Variants in DGKI observed in about 807,000 individuals in gnomAD.
The protein encoded by DGKI is DAG kinase iota.
In DGKI, 55 loss-of-function variants were observed where a neutral mutation model predicts 147.5. That is an observed-to-expected ratio of 0.37 (90% confidence interval 0.30 to 0.47). The LOEUF (loss-of-function observed/expected upper bound fraction) is 0.47, where lower values mean the gene tolerates loss of function less well. Ranked by LOEUF, DGKI falls within the 20% of genes least tolerant of loss-of-function variation. The pLI, the probability that DGKI is intolerant of heterozygous loss-of-function variation, is 1.00. For missense variants in DGKI, 1,007 were observed against 1,323.8 expected (o/e 0.76, Z 3.71); for synonymous variants, 469 against 477.1 (o/e 0.98, Z 0.22).
chr7:137,786,780 T>C (rs1240298805), intron 1 of DGKI, among the ~76,000 whole-genome samples: 1 of 151,596 alleles, frequency 6.6e-6, no homozygotes, highest in Non-Finnish European at 1.5e-5. Flanking sequence ...AATCAGCACA[T>C]AGACCAGTGG....
chr7:137,623,552 G>A lies in DGKI; in HGVS notation c.807C>T (p.Gly269=). 6.2e-7 allele frequency: 1 copy of A among 1,613,780 alleles called. No individual in the cohort carries two copies. The highest frequency in any genetic ancestry group is 8.5e-7 in the Non-Finnish European group (1 of 1,179,720). Residue 269 remains glycine (G), a splice_region_variant and synonymous_variant, in exon 7 of 33, where the codon GGC becomes GGT. Transcript: ENST00000614521. The part of the protein sequence containing the change: ...QEGKCKQCGK[G]FQQKFSFHSK... ...TGTGGAAGGAGAACTTTTGCTGGAA[G>A]CCCTGGGATATTAGAACAAGAGACA...
chr7:137,489,802 G>A (rs1369040609), intron 21 of DGKI, among the ~76,000 whole-genome samples: 1 of 152,092 alleles, frequency 6.6e-6, no homozygotes, highest in East Asian at 1.9e-4. Flanking sequence ...CTTAAGTTAG[G>A]AGATATATTT....
At chr7:137,723,795 C>T (rs761738796) in intron 1 of DGKI, among the ~76,000 whole-genome samples, 4 of 149,452 alleles carry the variant, frequency 2.7e-5, no homozygotes, top group Admixed American at 1.3e-4. Context: ...CTGCAAACTC[C>T]GCCTCCTGGG....
At chr7:137,638,632 G>GTATATATACACATATACACATATA (rs1563126028) in intron 6 of DGKI, among the ~76,000 whole-genome samples, 5 of 31,480 alleles carry the variant, frequency 1.6e-4, no homozygotes, top group East Asian at 1.4e-3. Context: ...ATATATATGT[G>GTATATATACACATATACACATATA]TGTATATATG....
intron 1 of DGKI, among the ~76,000 whole-genome samples, chr7:137,825,149 G>C (rs575268217): frequency 3.3e-5 from 5 of 152,222 alleles, no homozygotes; most frequent in African/African-American, 1.2e-4. Flanking sequence ...AAGCTCTGTA[G>C]TTCTAACTAT....
rs79288175 is a variant in DGKI at position 137,498,000 on chromosome 7, C to T, written c.2249-10311G>A. 2.6e-3 allele frequency among the ~76,000 whole-genome samples: 399 copies of T among 151,924 alleles called. 13 individuals carry two copies. In the East Asian group the frequency reaches 0.072, roughly 27 times the overall value. ...AAATGAACTTGCGCAAAGAAAAACA[C>T]TTTAAACATGATATCTTTAATATCC... is the stretch of plus-strand genomic sequence containing the variant. On this transcript the variant is annotated intron_variant, in intron 21 of 32. Transcript: ENST00000614521.
chr7:137,689,838 T>C (rs1823543248), intron 2 of DGKI, 56 bp downstream of exon 2: 1 of 1,223,806 alleles, frequency 8.2e-7, no homozygotes. Flanking sequence ...ATCCTGAGAA[T>C]GAGAGACACA....
chr7:137,822,658 A>G (rs1296117013), intron 1 of DGKI, among the ~76,000 whole-genome samples: 3 of 152,130 alleles, frequency 2.0e-5, no homozygotes, highest in East Asian at 3.8e-4. Flanking sequence ...ACAGCCTCCA[A>G]TGTAAAGAGA....
chr7:137,442,622 G>C (rs1813553330), intron 28 of DGKI, among the ~76,000 whole-genome samples: 1 of 152,246 alleles, frequency 6.6e-6, no homozygotes, highest in South Asian at 2.1e-4. Flanking sequence ...ACCATTAGGT[G>C]GTCAATTGCC....
intron 1 of DGKI, among the ~76,000 whole-genome samples, chr7:137,715,083 C>G (rs2116584287): frequency 6.6e-6 from 1 of 152,308 alleles, no homozygotes; most frequent in Admixed American, 6.5e-5. Context: ...ATAATCACCC[C>G]TCTCTGTTTA....
At chr7:137,609,132 A>T in intron 9 of DGKI, 68 bp from the exon 10 acceptor site, 1 of 1,304,294 alleles carries the variant, frequency 7.7e-7, no homozygotes, top group South Asian at 1.2e-5. Context: ...AAGGCAAGGG[A>T]GGTGGAAAAC....
chr7:137,668,287 G>A (rs1822713818), intron 3 of DGKI, among the ~76,000 whole-genome samples: 1 of 152,172 alleles, frequency 6.6e-6, no homozygotes, highest in Non-Finnish European at 1.5e-5. Context: ...TGTTCTCCAC[G>A]AGAATGAAAT....
chr7:137,837,797 CT>C (rs1798429446), intron 1 of DGKI, among the ~76,000 whole-genome samples: 1 of 152,072 alleles, frequency 6.6e-6, no homozygotes. Context: ...GTCTATGGGA[CT>C]TTGTTACAGC....
At chr7:137,445,004 T>C (rs1813660471) in intron 27 of DGKI, among the ~76,000 whole-genome samples, 2 of 152,190 alleles carry the variant, frequency 1.3e-5, no homozygotes, top group Admixed American at 6.5e-5. Flanking sequence ...TCCTCTTCTC[T>C]GAATGATTGG....
chr7:137,412,392 A>G (rs1174074755), intron 28 of DGKI, among the ~76,000 whole-genome samples, 185 bp from the exon 29 acceptor site: 1 of 152,138 alleles, frequency 6.6e-6, no homozygotes, highest in Non-Finnish European at 1.5e-5. Context: ...TACCCATTCC[A>G]CGCACCCTTC....
At chr7:137,555,949 C>G (rs1818210039) in intron 19 of DGKI, among the ~76,000 whole-genome samples, 1 of 147,458 alleles carries the variant, frequency 6.8e-6, no homozygotes, top group South Asian at 2.1e-4. Flanking sequence ...AAATTATATT[C>G]ATGATCATAA....
intron 1 of DGKI, among the ~76,000 whole-genome samples, chr7:137,822,600 C>T (rs1046818962): frequency 6.6e-6 from 1 of 152,044 alleles, no homozygotes. Context: ...TTCCATTCAG[C>T]CTTTTGGGGC....
At chr7:137,601,701 C>T (rs1156353630) in intron 10 of DGKI, among the ~76,000 whole-genome samples, 8 of 152,158 alleles carry the variant, frequency 5.3e-5, no homozygotes, top group East Asian at 1.9e-4. Flanking sequence ...CCTTTGTTAC[C>T]GTTAATCCTT....
At chr7:137,596,727 T>C (rs958481518) in intron 12 of DGKI, among the ~76,000 whole-genome samples, 1 of 152,302 alleles carries the variant, frequency 6.6e-6, no homozygotes, top group Non-Finnish European at 1.5e-5. Context: ...CTCCACACAG[T>C]ATCTGAGAGA....
Sources: allele counts gnomAD v4.1 joint callset (sites outside exome capture counted in the v4.1 genomes callset), GRCh38; gene constraint gnomAD v4.1.1; transcripts MANE v1.5; gene names NCBI Gene and HGNC (gene_info 2026-07-23, HGNC 2026-07-21).